The following ANKLE2 variants were observed in gnomAD, a reference collection of about 807,000 sequenced individuals.
ANKLE2 encodes the protein ankyrin repeat and LEM domain containing 2.
Under a neutral mutation model 84.2 loss-of-function variants are expected in ANKLE2, and 55 were observed. The observed-to-expected ratio is 0.65, with a 90% CI of 0.53 to 0.82. ANKLE2 has a LOEUF of 0.82. Ranked by LOEUF, ANKLE2 falls within the 40% of genes least tolerant of loss-of-function variation. The pLI, the probability that ANKLE2 is intolerant of heterozygous loss-of-function variation, is 0.00. For synonymous variants in ANKLE2, 551 were observed against 486.1 expected, an observed-to-expected ratio of 1.13 and a Z score of -1.76; for missense variants, 1,238 against 1,201.9, an observed-to-expected ratio of 1.03 and a Z score of -0.44.
chr12:132,727,569 C>T lies in ANKLE2; in HGVS notation c.2616-126G>A, dbSNP rs2043730117. ...GGGCGGAGGAGAGGCACTGGTGAAC[C>T]CTGGCACCGCGGGCACACACGCCCG... On this transcript the variant is annotated intron_variant, in intron 12 of 12. Coordinates refer to ENST00000357997, the MANE Select transcript of ANKLE2 (RefSeq NM_015114.3). 11 of 882,422 alleles carry T rather than the reference C, an allele frequency of 1.2e-5. No homozygotes were observed. The Admixed American group carries it at 2.2e-4, about 18-fold the overall frequency. 54.7% of individuals were successfully genotyped at this position (882,422 alleles called of 1,614,324 possible). A position where few individuals can be genotyped will look rare whatever the true frequency, so the allele number is the denominator to read the frequency against.
chr12:132,731,238 T>C (rs1214344962), intron 10 of ANKLE2: 1 of 152,220 alleles, frequency 6.6e-6, no homozygotes, highest in Non-Finnish European at 1.5e-5. Context: ...AAGACAACAC[T>C]GTAAATGAGG....
intron 10 of ANKLE2, 141 bp downstream of exon 10, chr12:132,734,244 C>T (rs1001341702): frequency 5.3e-5 from 51 of 957,818 alleles, no homozygotes; most frequent in Non-Finnish European, 7.5e-5. Context: ...GGTTCCGTCT[C>T]AAAAAATACT....
chr12:132,744,129 T>C (rs1158967762), intron 5 of ANKLE2, among the ~76,000 whole-genome samples: 2 of 152,160 alleles, frequency 1.3e-5, no homozygotes, highest in Non-Finnish European at 2.9e-5. Flanking sequence ...GCTGCACCTC[T>C]ATCCTTCCTT....
chr12:132,756,089 G>C (rs1176792914), intron 1 of ANKLE2: 3 of 152,020 alleles, frequency 2.0e-5, no homozygotes, highest in Non-Finnish European at 4.4e-5. Flanking sequence ...CCAAAGTGCT[G>C]GGATTACAGG....
In ANKLE2 at chr12:132,755,140, C is replaced by A; in HGVS notation, c.182-7G>T. ...GCATCCATTGTCATTTCACCTAGGC[C>A]CAAGACAAAAAAATCAAAGAGTCAC... is the stretch of plus-strand genomic sequence containing the variant. On this transcript the variant is annotated splice_polypyrimidine_tract_variant and splice_region_variant and intron_variant, in intron 1 of 12. Transcript: ENST00000357997. The A allele has an allele frequency of 6.3e-7, 1 of 1,582,024 alleles. No homozygotes were observed. Among genetic ancestry groups the A allele is most frequent in the Non-Finnish European group, 8.5e-7 (1 of 1,170,794 alleles).
At position 132,761,624 on chromosome 12, in the gene ANKLE2, C is replaced by G. The variant is rs1453033691; in HGVS notation, c.175G>C (p.Ala59Pro). ...GCGACCGCCTGGGCCTTACCTGAGGCGGGGGCGGCGGCCGCGCTTGGCGGA... is the reference window on the plus strand; with the variant it reads ...GCGACCGCCTGGGCCTTACCTGAGGGGGGGGCGGCGGCCGCGCTTGGCGGA... ...VPPPSAAAAP[A>P]SGEMTMDALL... Residue 59 changes from alanine (A) to proline (P), a missense_variant, in exon 1 of 13, where the codon GCC becomes CCC. Around this residue, in one of 3 missense-constraint regions of ANKLE2, gnomAD observed 422 missense variants for 394.5 expected, o/e 1.07. Transcript: ENST00000357997. 6 of 1,255,432 alleles carry G rather than the reference C, an allele frequency of 4.8e-6. No homozygotes were observed. In the Admixed American group the frequency reaches 1.3e-4, roughly 27 times the overall value. 77.8% of individuals were successfully genotyped at this position (1,255,432 alleles called of 1,614,324 possible).
chr12:132,740,986 C>T (rs955769878), intron 7 of ANKLE2, among the ~76,000 whole-genome samples: 2 of 152,090 alleles, frequency 1.3e-5, no homozygotes, highest in African/African-American at 4.8e-5. Context: ...CCAACACAGG[C>T]AAAGAGACAC....
intron 3 of ANKLE2, among the ~76,000 whole-genome samples, chr12:132,748,637 G>A (rs949761869): frequency 1.3e-5 from 2 of 152,156 alleles, no homozygotes; most frequent in Non-Finnish European, 2.9e-5. Context: ...AAGTGGAAGA[G>A]CAGCCAGACC....
At position 132,746,348 on chromosome 12, in the gene ANKLE2, C is replaced by CAAAAAAAAAAAA. The variant is rs566130639; in HGVS notation, c.1230+1472_1230+1483dup. 7.3e-3 allele frequency among the ~76,000 whole-genome samples: 484 copies of CAAAAAAAAAAAA among 66,392 alleles called. 14 individuals are homozygous for CAAAAAAAAAAAA. The highest frequency in any genetic ancestry group is 0.018 in the African/African-American group (313 of 17,786). 43.6% of individuals were successfully genotyped at this position (66,392 alleles called of 152,430 possible). A position where few individuals can be genotyped will look rare whatever the true frequency, so the allele number is the denominator to read the frequency against. On this transcript the variant is annotated intron_variant, in intron 5 of 12. Coordinates refer to ENST00000357997, the MANE Select transcript of ANKLE2 (RefSeq NM_015114.3). ...TGGGAGACAGAGCAAGACTCTGTCT[C>CAAAAAAAAAAAA]AAAAAAAAAAAAAAAAAAAGAATCA...
intron 5 of ANKLE2, 26 bp downstream of exon 5, chr12:132,747,806 A>G: frequency 1.3e-6 from 2 of 1,570,738 alleles, no homozygotes; most frequent in Non-Finnish European, 1.7e-6. Flanking sequence ...AAATAAAGAA[A>G]GCGTGAGTGG....
chr12:132,734,712 T>C, intron 9 of ANKLE2, 137 bp from the exon 10 acceptor site: 2 of 869,308 alleles, frequency 2.3e-6, no homozygotes, highest in Non-Finnish European at 3.5e-6. Flanking sequence ...TATCCTTAAC[T>C]GGCAGCTGAA....
rs2044449886 is a variant in ANKLE2 at position 132,755,094 on chromosome 12, A to C, written c.221T>G (p.Leu74Arg). ...TMDALLARLKLLNPDDLREEI... is the reference protein window; with the variant it reads ...TMDALLARLKRLNPDDLREEI... ...TTCTCTAAGGTCATCTGGATTCAGA[A>C]GTTTCAATCGAGCCAACAGAGCATC... The change falls in exon 2 of 13, where the codon CTT becomes CGT. Residue 74 changes from leucine (L) to arginine (R), a missense_variant. By Grantham distance (102) the Leu-to-Arg change is moderately radical. This residue lies in a region of ANKLE2 where 422 missense variants were observed against 394.5 expected (regional missense o/e 1.07). Transcript: ENST00000357997. The C allele has an allele frequency of 9.9e-6, 16 of 1,611,736 alleles. No individual in the cohort carries two copies. In the East Asian group the frequency reaches 3.6e-4, roughly 36 times the overall value.
rs1390502999 is a variant in ANKLE2 at position 132,761,775 on chromosome 12, C to T, written c.24G>A (p.Ala8=). 8.6e-7 allele frequency: 1 copy of T among 1,158,556 alleles called. No individual in the cohort carries two copies. Among genetic ancestry groups the T allele is most frequent in the Non-Finnish European group, 1.1e-6 (1 of 942,788 alleles). The allele number at this position is 1,158,556 out of a possible 1,614,324, so 71.8% of individuals were successfully genotyped here. A position where few individuals can be genotyped will look rare whatever the true frequency, so the allele number is the denominator to read the frequency against. MLWPRLA[A]AEWAALAWEL... is the part of the protein sequence containing the mutation. ...CCCAGGCCAGCGCCGCCCACTCGGC[C>T]GCCGCCAGCCGCGGCCACAGCATCG... is the stretch of plus-strand genomic sequence containing the variant. The change falls in exon 1 of 13, where the codon GCG becomes GCA. Residue 8 remains alanine (A), a synonymous_variant. Coordinates refer to ENST00000357997, the MANE Select transcript of ANKLE2 (RefSeq NM_015114.3).
chr12:132,750,046 A>T (rs1442634687), intron 3 of ANKLE2, among the ~76,000 whole-genome samples: 1 of 151,930 alleles, frequency 6.6e-6, no homozygotes, highest in African/African-American at 2.4e-5. Context: ...GGTGGCTAAA[A>T]ATACAAACAT....
At chr12:132,746,044 C>T (rs2044230656) in intron 5 of ANKLE2, among the ~76,000 whole-genome samples, 2 of 152,178 alleles carry the variant, frequency 1.3e-5, no homozygotes, top group Non-Finnish European at 2.9e-5. Flanking sequence ...AAAGCCCAGG[C>T]TCCCTTTAAG....
chr12:132,757,185 G>A (rs985419654), intron 1 of ANKLE2: 2 of 152,220 alleles, frequency 1.3e-5, no homozygotes, highest in African/African-American at 4.8e-5. Flanking sequence ...TTTCACAATG[G>A]TATAGGTTAA....
chr12:132,755,259 C>T, intron 1 of ANKLE2, 126 bp from the exon 2 acceptor site: 2 of 931,240 alleles, frequency 2.1e-6, no homozygotes, highest in South Asian at 1.8e-5. Context: ...AACTTTTTTT[C>T]TTGGCTGGAC....
At chr12:132,735,175 A>C in intron 9 of ANKLE2, 1 of 549,978 alleles carries the variant, frequency 1.8e-6, no homozygotes, top group Non-Finnish European at 3.2e-6. Context: ...AGGAATTCCA[A>C]TTAGAAAAGG....
chr12:132,737,107 T>C lies in ANKLE2; in HGVS notation c.1421-42A>G, dbSNP rs754806761. 9 of 1,546,368 alleles carry C rather than the reference T, an allele frequency of 5.8e-6. No individual in the cohort carries two copies. In the South Asian group the frequency reaches 1.1e-4, roughly 19 times the overall value. ...GCACTGGCTGCAGGCTTCCGCCCCCTCCGCAGGTCAGGCCTGGGTGAGCAG... is the reference window on the plus strand; with the variant it reads ...GCACTGGCTGCAGGCTTCCGCCCCCCCCGCAGGTCAGGCCTGGGTGAGCAG... On this transcript the variant is annotated intron_variant, in intron 7 of 12. Transcript: ENST00000357997.
Sources: allele counts gnomAD v4.1 joint callset (sites outside exome capture counted in the v4.1 genomes callset), GRCh38; gene constraint gnomAD v4.1.1; regional missense constraint gnomAD v4.1.1; transcripts MANE v1.5; gene names NCBI Gene and HGNC (gene_info 2026-07-23, HGNC 2026-07-21).